ZBTB20: variants seen among roughly 807,000 people sequenced by gnomAD.
ZBTB20 encodes the protein zinc finger and BTB domain-containing protein 20.
ZBTB20 carries 9 observed loss-of-function variants against 56.9 expected under a neutral mutation model. That is an observed-to-expected ratio of 0.16 (90% CI 0.10 to 0.28). The LOEUF (loss-of-function observed/expected upper bound fraction) is 0.28. ZBTB20 is among the 10% of genes least tolerant of loss of function. The pLI is 1.00. For synonymous variants in ZBTB20, 417 were observed against 420.7 expected (o/e 0.99, Z 0.11); for missense variants, 655 against 1,003.0 (o/e 0.65, Z 4.69).
intron 7 of ZBTB20, among the ~76,000 whole-genome samples, chr3:114,491,353 C>T (rs2042734610): frequency 1.3e-5 from 2 of 152,228 alleles, no homozygotes; most frequent in South Asian, 4.1e-4. Flanking sequence ...GAGAGTCCTA[C>T]TGTATTTCTC....
chr3:115,099,911 A>G (rs1227670766), intron 1 of ZBTB20, among the ~76,000 whole-genome samples: 2 of 152,166 alleles, frequency 1.3e-5, no homozygotes, highest in African/African-American at 4.8e-5. Flanking sequence ...TTTAGTGAGA[A>G]AAATAGATTT....
intron 1 of ZBTB20, among the ~76,000 whole-genome samples, chr3:115,115,766 G>A (rs1321037804): frequency 6.6e-6 from 1 of 151,938 alleles, no homozygotes; most frequent in Non-Finnish European, 1.5e-5. Flanking sequence ...TGTAAAGTCT[G>A]TACTGAGTCT....
intron 2 of ZBTB20, among the ~76,000 whole-genome samples, chr3:115,007,713 T>C (rs576558066): frequency 1.6e-4 from 25 of 152,004 alleles, no homozygotes; most frequent in African/African-American, 6.0e-4. Flanking sequence ...TTTTTACTTC[T>C]TTACCCCTCA....
In ZBTB20 at chr3:114,529,287, C is replaced by T. The variant is rs960131062; in HGVS notation, c.-294-28896G>A. The T allele has an allele frequency of 2.0e-5, 3 of 152,190 alleles. No homozygotes were observed. The South Asian group carries it at 6.2e-4, about 32-fold the overall frequency. The allele number at this position is 152,190 out of a possible 1,614,324, so 9.4% of individuals were successfully genotyped here. ...TCACCAGATTTCTGGCTGGATGTCA[C>T]ACCCACAGCAATCTTGGAAGCTATG... On this transcript the variant is annotated intron_variant, in intron 6 of 11. Transcript: ENST00000675478.
chr3:114,381,563 C>G (rs2084345378), intron 8 of ZBTB20, among the ~76,000 whole-genome samples: 2 of 152,140 alleles, frequency 1.3e-5, no homozygotes, highest in Admixed American at 1.3e-4. Context: ...GTGGACATGA[C>G]CAGAAAAAGC....
chr3:114,486,832 A>G (rs2042202622), intron 7 of ZBTB20, among the ~76,000 whole-genome samples: 1 of 152,198 alleles, frequency 6.6e-6, no homozygotes, highest in South Asian at 2.1e-4. Flanking sequence ...TCGAAGTGTG[A>G]GAGGTAAGGT....
At chr3:114,375,917 G>A (rs1242703336) in intron 10 of ZBTB20, 1 of 152,144 alleles carries the variant, frequency 6.6e-6, no homozygotes, top group Non-Finnish European at 1.5e-5. Context: ...ATGCTAAATG[G>A]GAAGGAACAT....
intron 2 of ZBTB20, among the ~76,000 whole-genome samples, chr3:114,984,805 TCTCA>T (rs948007749): frequency 7.2e-4 from 109 of 152,062 alleles, no homozygotes; most frequent in African/African-American, 2.4e-3. Context: ...CCAAGAGCAC[TCTCA>T]CACAGACACA....
In ZBTB20 at chr3:114,614,801, G is replaced by A. The variant is rs146425021; in HGVS notation, c.-295+78727C>T. ...GAGTCTTGCTCGGTCGCCCAGGCTG[G>A]AGTGTGCAGTGGTGTGATCTCAGCT... On this transcript the variant is annotated intron_variant, in intron 6 of 11. Coordinates refer to ENST00000675478, the MANE Select transcript of ZBTB20 (RefSeq NM_001348800.3). Among the ~76,000 whole-genome samples the A allele has an allele frequency of 1.6e-3, 246 of 152,118 alleles. 9 individuals are homozygous for A. The East Asian group carries it at 0.045, about 28-fold the overall frequency.
intron 7 of ZBTB20, among the ~76,000 whole-genome samples, chr3:114,405,611 T>C (rs2108736229): frequency 6.6e-6 from 1 of 152,284 alleles, no homozygotes; most frequent in South Asian, 2.1e-4. Context: ...CATATATATT[T>C]GTATGATGTT....
At chr3:114,664,737 T>C (rs931646509) in intron 6 of ZBTB20, among the ~76,000 whole-genome samples, 23 of 151,946 alleles carry the variant, frequency 1.5e-4, no homozygotes, top group Non-Finnish European at 2.2e-4. Context: ...GGGGTACTCA[T>C]GGTTTTTGTG....
intron 2 of ZBTB20, among the ~76,000 whole-genome samples, chr3:115,019,662 G>A (rs528610722): frequency 2.3e-4 from 35 of 151,356 alleles, no homozygotes; most frequent in South Asian, 1.9e-3. Context: ...AGGGTGGAAA[G>A]AGAATTTGAA....
chr3:114,876,531 C>T (rs1164420379), intron 4 of ZBTB20: 1 of 152,050 alleles, frequency 6.6e-6, no homozygotes, highest in East Asian at 1.9e-4. Flanking sequence ...CATGCTTTGC[C>T]TTATTTCTTA....
At chr3:114,958,116 C>A (rs974199372) in intron 3 of ZBTB20, among the ~76,000 whole-genome samples, 2 of 152,182 alleles carry the variant, frequency 1.3e-5, no homozygotes, top group African/African-American at 4.8e-5. Flanking sequence ...GTGAGATTTT[C>A]CTTAAAGCTG....
intron 6 of ZBTB20, among the ~76,000 whole-genome samples, chr3:114,607,256 G>GCAATAT (rs2057236661): frequency 6.6e-6 from 1 of 151,392 alleles, no homozygotes; most frequent in African/African-American, 2.4e-5. Context: ...TCATTTCTAT[G>GCAATAT]GATTTAAAAG....
At chr3:114,641,635 CT>C (rs1191164771) in intron 6 of ZBTB20, among the ~76,000 whole-genome samples, 1 of 151,532 alleles carries the variant, frequency 6.6e-6, no homozygotes, top group Non-Finnish European at 1.5e-5. Flanking sequence ...CTTGTTTTTA[CT>C]AGCTAAATTT....
At chr3:115,113,564 T>TATGCAAGTGCAGAACA (rs1365834124) in intron 1 of ZBTB20, among the ~76,000 whole-genome samples, 20 of 152,330 alleles carry the variant, frequency 1.3e-4, no homozygotes, top group Non-Finnish European at 2.5e-4. Flanking sequence ...CAACACTGGT[T>TATGCAAGTGCAGAACA]ATGCAAGTGC....
chr3:115,039,804 G>A (rs916544582), intron 2 of ZBTB20, among the ~76,000 whole-genome samples: 3 of 152,086 alleles, frequency 2.0e-5, no homozygotes, highest in African/African-American at 7.2e-5. Flanking sequence ...GCGTAGTGGG[G>A]AGAATGGGGA....
rs1200918181 is a variant in ZBTB20, at chr3:114,332,729, C to T, written c.*6276G>A. On this transcript the variant is annotated 3_prime_UTR_variant, in exon 12 of 12. Coordinates refer to ENST00000675478, the MANE Select transcript of ZBTB20 (RefSeq NM_001348800.3). ...TCTGATTTAAGGCAATAATGCTACACTATAAGTAGCCTTTTGTGAAAATAC... is the reference window on the plus strand; with the variant it reads ...TCTGATTTAAGGCAATAATGCTACATTATAAGTAGCCTTTTGTGAAAATAC... 3 of 152,216 alleles carry T rather than the reference C, an allele frequency of 2.0e-5. No individual in the cohort carries two copies. Among genetic ancestry groups the T allele is most frequent in the African/African-American group, 4.8e-5 (2 of 41,452 alleles). The allele number at this position is 152,216 out of a possible 1,614,324, so 9.4% of individuals were successfully genotyped here.
Sources: allele counts gnomAD v4.1 joint callset (sites outside exome capture counted in the v4.1 genomes callset), GRCh38; gene constraint gnomAD v4.1.1; transcripts MANE v1.5; gene names NCBI Gene and HGNC (gene_info 2026-07-23, HGNC 2026-07-21).